ADGRV1: variants seen among roughly 807,000 people sequenced by gnomAD.
ADGRV1 encodes the protein adhesion G protein-coupled receptor V1, also known as G-protein coupled receptor 98.
Under a neutral mutation model 596.2 loss-of-function variants are expected in ADGRV1, and 359 were observed. That is an observed-to-expected ratio of 0.60 (90% CI 0.55 to 0.66). The LOEUF (loss-of-function observed/expected upper bound fraction) is 0.66. ADGRV1 is among the 30% of genes least tolerant of loss of function. ADGRV1 has a pLI of 0.00. For synonymous variants in ADGRV1, 2,681 were observed against 2,679.2 expected (o/e 1.00, Z -0.02); for missense variants, 7,274 against 7,575.6 (o/e 0.96, Z 1.48).
intron 70 of ADGRV1, 53 bp from the exon 71 acceptor site, chr5:90,802,686 C>G (rs1761500439): frequency 1.3e-6 from 2 of 1,534,884 alleles, no homozygotes; most frequent in African/African-American, 1.4e-5. Context: ...AGTCAAAGAA[C>G]AGCATTTTTC....
intron 89 of ADGRV1, among the ~76,000 whole-genome samples, chr5:91,154,696 G>A (rs970342405): frequency 1.3e-5 from 2 of 152,180 alleles, no homozygotes; most frequent in African/African-American, 2.4e-5. Context: ...ACATGGCTGG[G>A]GAAGCTTCAG....
intron 83 of ADGRV1, among the ~76,000 whole-genome samples, chr5:90,945,562 C>T (rs2150881610): frequency 6.6e-6 from 1 of 152,208 alleles, no homozygotes; most frequent in South Asian, 2.1e-4. Context: ...AAATCAAACT[C>T]CACTGAGGGA....
At chr5:90,945,742 C>A (rs1261854436) in intron 83 of ADGRV1, among the ~76,000 whole-genome samples, 3 of 152,062 alleles carry the variant, frequency 2.0e-5, no homozygotes, top group African/African-American at 7.2e-5. Context: ...TCCCAGCACC[C>A]TGCAAGGCTG....
At chr5:90,654,473 G>T in intron 20 of ADGRV1, 1 of 170,814 alleles carries the variant, frequency 5.9e-6, no homozygotes, top group South Asian at 1.4e-4. Context: ...CAGGTAACTT[G>T]GTGAATTCTA....
intron 85 of ADGRV1, among the ~76,000 whole-genome samples, chr5:91,004,080 A>C (rs1435562758): frequency 6.6e-6 from 1 of 152,174 alleles, no homozygotes; most frequent in Non-Finnish European, 1.5e-5. Context: ...AGAAAAAGGA[A>C]AGAAGCTTAA....
intron 75 of ADGRV1, among the ~76,000 whole-genome samples, chr5:90,823,130 G>A (rs551341908): frequency 2.1e-4 from 32 of 152,126 alleles, no homozygotes; most frequent in East Asian, 9.7e-4. Context: ...TTTCCTTCTC[G>A]AAAAATATTA....
In ADGRV1 at chr5:90,728,771, G is replaced by A; in HGVS notation, c.10264G>A (p.Ala3422Thr). Residue 3422 changes from alanine (A) to threonine (T), a missense_variant, in exon 49 of 90, where the codon GCC (alanine) becomes ACC (threonine). This residue lies in a region of ADGRV1 where 3,643 missense variants were observed against 3,809.2 expected (regional missense o/e 0.96). Transcript: ENST00000405460. ...CAACAAGGGAGGCTCTGTGTTCTTA[G>A]CCATTTCCCAGGCTAATGCCAGGCT... ...LFNKGGSVFL[A>T]ISQANARLNS... is the part of the protein sequence containing the mutation. The A allele has an allele frequency of 6.2e-7, 1 of 1,613,956 alleles. No individual in the cohort carries two copies. The highest frequency in any genetic ancestry group is 8.5e-7 in the Non-Finnish European group (1 of 1,179,868).
At chr5:90,917,786 G>C (rs1419311538) in intron 83 of ADGRV1, among the ~76,000 whole-genome samples, 4 of 152,158 alleles carry the variant, frequency 2.6e-5, no homozygotes, top group Admixed American at 2.0e-4. Context: ...CAGATGCTTA[G>C]AGAATCTGAG....
chr5:90,887,252 G>A lies in ADGRV1; in HGVS notation c.17856+23395G>A, dbSNP rs373631484. Reference sequence around the variant, plus strand: ...TTGTGGGTGCCGTGGTCTCTGCCTGGCATGCTCTTTTCACTGATCCTTGGC... The same window carrying A: ...TTGTGGGTGCCGTGGTCTCTGCCTGACATGCTCTTTTCACTGATCCTTGGC... On this transcript the variant is annotated intron_variant, in intron 83 of 89. Coordinates refer to ENST00000405460, the MANE Select transcript of ADGRV1 (RefSeq NM_032119.4). Among the ~76,000 whole-genome samples, 9 of 152,194 alleles carry A rather than the reference G, an allele frequency of 5.9e-5. No homozygotes were observed. The East Asian group carries it at 1.5e-3, about 26-fold the overall frequency.
intron 1 of ADGRV1, among the ~76,000 whole-genome samples, chr5:90,604,477 G>C (rs1280321293): frequency 6.6e-6 from 1 of 152,072 alleles, no homozygotes; most frequent in Non-Finnish European, 1.5e-5. Flanking sequence ...AATTTTGTTT[G>C]ACTAGAGCTA....
intron 76 of ADGRV1, among the ~76,000 whole-genome samples, chr5:90,826,127 C>T (rs951051298): frequency 1.3e-5 from 2 of 152,136 alleles, no homozygotes; most frequent in Admixed American, 6.5e-5. Context: ...TTTTGATATA[C>T]ATTTTAACAT....
At chr5:90,853,048 A>G (rs144522051) in intron 79 of ADGRV1, among the ~76,000 whole-genome samples, 1 of 152,298 alleles carries the variant, frequency 6.6e-6, no homozygotes, top group East Asian at 1.9e-4. Flanking sequence ...TCAAAAACCC[A>G]TGTTTTAGGT....
At chr5:90,708,421 C>T (rs932865767) in intron 38 of ADGRV1, among the ~76,000 whole-genome samples, 2 of 147,904 alleles carry the variant, frequency 1.4e-5, no homozygotes, top group Non-Finnish European at 3.0e-5. Flanking sequence ...TACTAGGCCT[C>T]CTTGAACTGC....
chr5:91,123,370 C>T (rs1028262277), intron 87 of ADGRV1, among the ~76,000 whole-genome samples: 40 of 152,170 alleles, frequency 2.6e-4, no homozygotes, highest in Admixed American at 2.6e-4. Flanking sequence ...GATCAAAGTG[C>T]CAGCAGATTT....
intron 82 of ADGRV1, among the ~76,000 whole-genome samples, chr5:90,858,022 A>G (rs1767191128): frequency 6.6e-6 from 1 of 152,314 alleles, no homozygotes; most frequent in African/African-American, 2.4e-5. Context: ...GAACTACCCA[A>G]ATGATCAAAG....
chr5:90,805,183 T>C, intron 71 of ADGRV1, 101 bp from the exon 72 acceptor site: 1 of 818,092 alleles, frequency 1.2e-6, no homozygotes. Context: ...GACAAGGATA[T>C]ATATTGTATA....
chr5:90,995,448 C>T (rs1337215424), intron 85 of ADGRV1, among the ~76,000 whole-genome samples: 3 of 152,138 alleles, frequency 2.0e-5, no homozygotes, highest in Non-Finnish European at 4.4e-5. Flanking sequence ...TAGAGAGTCT[C>T]CCCAGCCATG....
At chr5:91,054,163 A>T (rs1786626375) in intron 85 of ADGRV1, among the ~76,000 whole-genome samples, 1 of 151,860 alleles carries the variant, frequency 6.6e-6, no homozygotes, top group Admixed American at 6.6e-5. Flanking sequence ...TGCTAAAGAG[A>T]GCAAACCGGG....
Position 91,153,368 on chromosome 5 carries a change from T to G in ADGRV1, c.18772T>G (p.Phe6258Val). 6.2e-7 allele frequency: 1 copy of G among 1,607,546 alleles called. No individual in the cohort carries two copies. The highest frequency in any genetic ancestry group is 2.2e-5 in the East Asian group (1 of 44,784). ...GATAGCCGATGAGGAGTCCCAGGAG[T>G]TTGATGATTTAATATTTGCATTAAA... ...SLIADEESQE[F>V]DDLIFALKTG... Residue 6258 changes from phenylalanine (F) to valine (V), a missense_variant, in exon 89 of 90, where the codon TTT becomes GTT. Physicochemically the swap from Phe to Val is conservative, Grantham distance 50. Coordinates refer to ENST00000405460, the MANE Select transcript of ADGRV1 (RefSeq NM_032119.4).
Sources: gnomAD v4.1 joint callset for allele counts (sites outside exome capture counted in the v4.1 genomes callset) on GRCh38, gnomAD v4.1.1 for gene constraint, gnomAD v4.1.1 regional missense constraint, MANE v1.5 for transcripts, NCBI Gene and HGNC (gene_info 2026-07-23, HGNC 2026-07-21) for gene names.